KCNH1: variants seen among roughly 807,000 people sequenced by gnomAD.
KCNH1 encodes voltage-gated delayed rectifier potassium channel KCNH1.
KCNH1 carries 27 observed loss-of-function variants against 69.2 expected under a neutral mutation model. That is an observed-to-expected ratio of 0.39 (90% CI 0.29 to 0.54). The LOEUF (loss-of-function observed/expected upper bound fraction) is 0.54. Among genes scored for constraint, KCNH1 ranks in the 20% least tolerant of loss-of-function variants. KCNH1 has a pLI of 0.68. For missense variants in KCNH1, 798 were observed against 1,261.6 expected (o/e 0.63, Z 5.57); for synonymous variants, 456 against 487.7 (o/e 0.93, Z 0.86).
In KCNH1 at chr1:210,876,593, T is replaced by C. The variant is rs541468021; in HGVS notation, c.1462+43047A>G. 1.8e-4 allele frequency among the ~76,000 whole-genome samples: 28 copies of C among 152,294 alleles called. 1 individual carries two copies. In the South Asian group the frequency reaches 5.4e-3, roughly 29 times the overall value. On this transcript the variant is annotated intron_variant, in intron 7 of 10. Coordinates refer to ENST00000271751, the MANE Select transcript of KCNH1 (RefSeq NM_172362.3). ...TATTTTAAATGCTCTTCTCCCTACA[T>C]CTACAGAGGTCCCCTGAGGTTCTTC...
At chr1:210,858,998 A>C (rs1685916204) in intron 7 of KCNH1, 4 of 424,886 alleles carry the variant, frequency 9.4e-6, no homozygotes, top group Admixed American at 3.7e-5. Context: ...TTTCTTTTCC[A>C]GTGCCAGGTT....
At chr1:211,017,037 A>G (rs559383508) in intron 6 of KCNH1, among the ~76,000 whole-genome samples, 1 of 152,070 alleles carries the variant, frequency 6.6e-6, no homozygotes, top group South Asian at 2.1e-4. Flanking sequence ...CAAAATTCAC[A>G]CAAGCTACCC....
chr1:211,056,808 C>T (rs1690318249), intron 5 of KCNH1, among the ~76,000 whole-genome samples: 2 of 152,238 alleles, frequency 1.3e-5, no homozygotes, highest in Admixed American at 6.5e-5. Context: ...GGTACCTCTA[C>T]GAGTCTGCAA....
At chr1:211,089,275 A>G (rs779523264) in intron 4 of KCNH1, among the ~76,000 whole-genome samples, 1 of 152,204 alleles carries the variant, frequency 6.6e-6, no homozygotes, top group Non-Finnish European at 1.5e-5. Context: ...GCCATGAAAT[A>G]GCTACTGCAC....
Position 210,919,809 on chromosome 1 carries a change from C to T in KCNH1, c.1293G>A (p.Gln431=), listed in dbSNP as rs756450195. Residue 431 remains glutamine, a synonymous_variant, in exon 7 of 11, where the codon CAG becomes CAA. Coordinates refer to ENST00000271751, the MANE Select transcript of KCNH1 (RefSeq NM_172362.3). This position sits in a 1 kb window ranked among gnomAD's most constrained non-coding sequence, Gnocchi z 4.2. ...QLAMDIGTPY[Q]FNGSGSGKWE... is the part of the protein sequence containing the mutation. ...ACTTCCCTGAGCCAGACCCATTAAA[C>T]TGGTAAGGGGTGCCAATGTCCATCG... The T allele has an allele frequency of 1.6e-5, 26 of 1,614,056 alleles. No homozygotes were observed. The Admixed American group carries it at 4.2e-4, about 26-fold the overall frequency.
chr1:210,962,500 A>G (rs1688313169), intron 6 of KCNH1, among the ~76,000 whole-genome samples: 1 of 152,050 alleles, frequency 6.6e-6, no homozygotes, highest in African/African-American at 2.4e-5. Context: ...AACACACTAT[A>G]TGTTATGCAA....
At chr1:211,001,840 AG>A (rs1689185886) in intron 6 of KCNH1, among the ~76,000 whole-genome samples, 1 of 151,950 alleles carries the variant, frequency 6.6e-6, no homozygotes, top group African/African-American at 2.4e-5. Flanking sequence ...AGCCATAAAA[AG>A]GATGAGTTCA....
Position 210,920,052 on chromosome 1 carries a change from G to A in KCNH1, c.1050C>T (p.Phe350=), listed in dbSNP as rs1257579014. ...GCAGCCGGACAACTTTTAGAGAGCT[G>A]AACAGGCTGCTGATGCCCTGGGAGA... The part of the protein sequence containing the change: ...GRESQGISSL[F]SSLKVVRLLR... Residue 350 remains phenylalanine, a synonymous_variant, in exon 7 of 11, where the codon TTC becomes TTT. Coordinates refer to ENST00000271751, the MANE Select transcript of KCNH1 (RefSeq NM_172362.3). The A allele has an allele frequency of 1.2e-6, 2 of 1,612,992 alleles. No homozygotes were observed. The highest frequency in any genetic ancestry group is 1.7e-5 in the Admixed American group (1 of 60,020).
intron 1 of KCNH1, among the ~76,000 whole-genome samples, chr1:211,112,265 C>T (rs1316648946): frequency 6.6e-6 from 1 of 150,536 alleles, no homozygotes. Flanking sequence ...TGAGGAGCTC[C>T]TCTGCCCCAT....
intron 5 of KCNH1, among the ~76,000 whole-genome samples, chr1:211,082,356 C>CA (rs1200901104): frequency 6.6e-6 from 1 of 151,954 alleles, no homozygotes; most frequent in Non-Finnish European, 1.5e-5. Context: ...ATGCACACAC[C>CA]AAAAAAATGT....
At position 210,864,449 on chromosome 1, in the gene KCNH1, G is replaced by C. The variant is rs116591576; in HGVS notation, c.1462+55191C>G. 6.3e-3 allele frequency among the ~76,000 whole-genome samples: 960 copies of C among 152,278 alleles called. 5 individuals are homozygous for C. The highest frequency in any genetic ancestry group is 0.027 in the Middle Eastern group (8 of 294). On this transcript the variant is annotated intron_variant, in intron 7 of 10. Transcript: ENST00000271751. ...AACTCAGCAAAACAAGTGGGGAAGC[G>C]AGAAAACAAAGGAGGAGGAAGATAG...
chr1:211,120,886 C>A (rs1691672153), intron 1 of KCNH1, among the ~76,000 whole-genome samples: 1 of 152,064 alleles, frequency 6.6e-6, no homozygotes, highest in South Asian at 2.1e-4. Context: ...TTTACACCAA[C>A]AATAGGCAAG....
chr1:210,738,001 C>G (rs905938267), intron 10 of KCNH1, among the ~76,000 whole-genome samples: 2 of 152,176 alleles, frequency 1.3e-5, no homozygotes, highest in African/African-American at 2.4e-5. Context: ...AGAATAAGAG[C>G]CAAAGTCCAT....
At chr1:210,719,639 C>A (rs1682402977) in intron 10 of KCNH1, among the ~76,000 whole-genome samples, 2 of 152,002 alleles carry the variant, frequency 1.3e-5, no homozygotes, top group Non-Finnish European at 1.5e-5. Flanking sequence ...GTGCAGTAAA[C>A]CACCATGGCA....
At chr1:211,072,504 G>C (rs1471490703) in intron 5 of KCNH1, among the ~76,000 whole-genome samples, 2 of 152,128 alleles carry the variant, frequency 1.3e-5, no homozygotes, top group African/African-American at 4.8e-5. Flanking sequence ...ACAGATGACA[G>C]TTCAATGAAA....
chr1:210,849,775 C>T (rs1685644422), intron 7 of KCNH1, among the ~76,000 whole-genome samples: 2 of 152,056 alleles, frequency 1.3e-5, no homozygotes, highest in South Asian at 4.2e-4. Flanking sequence ...CACCCCTTTC[C>T]CAAACTTGCC....
intron 6 of KCNH1, among the ~76,000 whole-genome samples, chr1:210,942,052 CT>C (rs1387741376): frequency 6.6e-6 from 1 of 152,146 alleles, no homozygotes; most frequent in African/African-American, 2.4e-5. Flanking sequence ...GGATAAATCT[CT>C]ATAGAGATTT....
At chr1:210,990,510 A>G (rs1688918799) in intron 6 of KCNH1, among the ~76,000 whole-genome samples, 1 of 152,134 alleles carries the variant, frequency 6.6e-6, no homozygotes. Context: ...TGACATTCCA[A>G]GTGTGACCCT....
At chr1:210,861,729 C>G in intron 7 of KCNH1, 1 of 774,516 alleles carries the variant, frequency 1.3e-6, no homozygotes, top group Non-Finnish European at 2.4e-6. Context: ...CAGAAAGAAG[C>G]TGGATAAAAT....
Sources: allele counts gnomAD v4.1 joint callset (sites outside exome capture counted in the v4.1 genomes callset), GRCh38; gene constraint gnomAD v4.1.1; non-coding constraint Gnocchi (gnomAD v3.1); transcripts MANE v1.5; gene names NCBI Gene and HGNC (gene_info 2026-07-23, HGNC 2026-07-21).